The following ZFAND6 variants were observed in gnomAD, a reference collection of about 807,000 sequenced individuals.
The protein encoded by ZFAND6 is zinc finger AN1-type containing 6, also known as AN1-type zinc finger protein 6.
In ZFAND6, 12 loss-of-function variants were observed where a neutral mutation model predicts 24.5. The observed-to-expected ratio is 0.49, with a 90% confidence interval of 0.31 to 0.79. The LOEUF (loss-of-function observed/expected upper bound fraction) is 0.79. Among genes scored for constraint, ZFAND6 ranks in the 30% least tolerant of loss-of-function variants. The probability of loss-of-function intolerance (pLI) is 0.04; values close to 1 mark genes in which losing one functional copy is unlikely to be tolerated. For synonymous variants in ZFAND6, 92 were observed against 81.5 expected (o/e 1.13, Z -0.69); for missense variants, 207 against 245.9 (o/e 0.84, Z 1.06).
intron 6 of ZFAND6, 46 bp from the exon 7 acceptor site, chr15:80,137,434 A>C (rs369496772): frequency 6.4e-7 from 1 of 1,569,160 alleles, no homozygotes; most frequent in Admixed American, 2.2e-5. Flanking sequence ...CAAAGACCTT[A>C]ATATTTCATC....
intron 1 of ZFAND6, among the ~76,000 whole-genome samples, chr15:80,095,945 T>G (rs2141920328): frequency 6.6e-6 from 1 of 152,350 alleles, no homozygotes; most frequent in South Asian, 2.1e-4. Context: ...ACACTTAACA[T>G]ATGGTATCCA....
chr15:80,128,024 A>G (rs1472907978), intron 5 of ZFAND6, among the ~76,000 whole-genome samples: 1 of 152,264 alleles, frequency 6.6e-6, no homozygotes, highest in Admixed American at 6.5e-5. Context: ...GGAAATTCTG[A>G]TACATGCCAC....
chr15:80,060,012 C>T (rs1318786076), intron 1 of ZFAND6: 1 of 151,316 alleles, frequency 6.6e-6, no homozygotes, highest in Non-Finnish European at 1.5e-5. Context: ...ACTCCCGGCT[C>T]CGGGGGTGGG....
intron 2 of ZFAND6, among the ~76,000 whole-genome samples, chr15:80,103,440 A>G (rs2141952861): frequency 6.6e-6 from 1 of 152,318 alleles, no homozygotes; most frequent in Non-Finnish European, 1.5e-5. Context: ...TTCACTCAGA[A>G]CATCTCAATT....
intron 1 of ZFAND6, among the ~76,000 whole-genome samples, chr15:80,069,595 T>G (rs1025336434): frequency 6.6e-6 from 1 of 152,090 alleles, no homozygotes; most frequent in Non-Finnish European, 1.5e-5. Flanking sequence ...ATCTTACTTT[T>G]GCCAGGGAAA....
Position 80,134,910 on chromosome 15 carries a change from T to A in ZFAND6, c.479-2570T>A, listed in dbSNP as rs372704168. ...TTGCAACGTGGACCGTTTGGTGATA[T>A]GAGAACTGAAACTAAAGCAAATGGT... is the stretch of plus-strand genomic sequence containing the variant. On this transcript the variant is annotated intron_variant, in intron 6 of 6. Transcript: ENST00000261749. Among the ~76,000 whole-genome samples, 17 of 152,354 alleles carry A rather than the reference T, an allele frequency of 1.1e-4. No homozygotes were observed. The East Asian group carries it at 2.9e-3, about 26-fold the overall frequency.
At chr15:80,105,157 T>C (rs1533857) in intron 2 of ZFAND6, among the ~76,000 whole-genome samples, 106,299 of 152,086 alleles carry the variant, frequency 0.7, 37,649 homozygotes, top group Admixed American at 0.81. Flanking sequence ...GCTTTTATCC[T>C]TCCTTTACAG....
At chr15:80,096,760 G>A (rs2141923830) in intron 1 of ZFAND6, among the ~76,000 whole-genome samples, 1 of 152,178 alleles carries the variant, frequency 6.6e-6, no homozygotes. Flanking sequence ...ATACATATTA[G>A]CCCAGTGTAC....
intron 5 of ZFAND6, among the ~76,000 whole-genome samples, chr15:80,127,074 C>G (rs1351700450): frequency 1.3e-5 from 2 of 152,122 alleles, no homozygotes; most frequent in East Asian, 3.9e-4. Context: ...CACCACTGCA[C>G]TTCAGCCTGG....
At chr15:80,136,324 G>A (rs548694636) in intron 6 of ZFAND6, among the ~76,000 whole-genome samples, 1 of 152,116 alleles carries the variant, frequency 6.6e-6, no homozygotes, top group African/African-American at 2.4e-5. Context: ...AATTAGCTGG[G>A]TGTGGTGGCG....
At position 80,131,867 on chromosome 15, in the gene ZFAND6, T is replaced by C. The variant is rs867940101; in HGVS notation, c.478+574T>C. On this transcript the variant is annotated intron_variant, in intron 6 of 6. Coordinates refer to ENST00000261749, the MANE Select transcript of ZFAND6 (RefSeq NM_019006.4). ...GGAATTCAGGGATGAGAGTAACTAA[T>C]TTACATTTTAAAATGGTAGTTCTTA... is the stretch of plus-strand genomic sequence containing the variant. Among the ~76,000 whole-genome samples the C allele has an allele frequency of 2.1e-4, 32 of 152,260 alleles. No homozygotes were observed. The Middle Eastern group carries it at 0.01, about 49-fold the overall frequency.
intron 2 of ZFAND6, among the ~76,000 whole-genome samples, chr15:80,106,981 G>A (rs2039361537): frequency 6.6e-6 from 1 of 152,102 alleles, no homozygotes; most frequent in Non-Finnish European, 1.5e-5. Context: ...GGGAGGCTGA[G>A]GTGGGTGGAT....
chr15:80,136,417 A>C (rs1020037020), intron 6 of ZFAND6, among the ~76,000 whole-genome samples: 5 of 152,064 alleles, frequency 3.3e-5, no homozygotes, highest in African/African-American at 1.2e-4. Context: ...GTGAGCCGAG[A>C]TCATGCCACT....
At chr15:80,069,784 G>C (rs2036870502) in intron 1 of ZFAND6, among the ~76,000 whole-genome samples, 1 of 151,920 alleles carries the variant, frequency 6.6e-6, no homozygotes. Context: ...AATTTTTGTA[G>C]TTCTAGTAGA....
intron 1 of ZFAND6, among the ~76,000 whole-genome samples, chr15:80,087,914 A>G (rs771721993): frequency 1.3e-5 from 2 of 152,176 alleles, no homozygotes; most frequent in African/African-American, 2.4e-5. Context: ...CATTGTATAT[A>G]TAATACATAT....
intron 6 of ZFAND6, among the ~76,000 whole-genome samples, chr15:80,133,633 A>AGT (rs1178383274): frequency 6.6e-6 from 1 of 152,224 alleles, no homozygotes; most frequent in Non-Finnish European, 1.5e-5. Flanking sequence ...TTGGAGAAAG[A>AGT]GTATCTGCCT....
chr15:80,113,070 T>G (rs1385496087), intron 2 of ZFAND6, among the ~76,000 whole-genome samples: 1 of 152,226 alleles, frequency 6.6e-6, no homozygotes, highest in African/African-American at 2.4e-5. Flanking sequence ...AGTTCAAAGC[T>G]TAATGTGCAT....
chr15:80,132,755 G>T (rs975827696), intron 6 of ZFAND6, among the ~76,000 whole-genome samples: 2 of 152,096 alleles, frequency 1.3e-5, no homozygotes, highest in Admixed American at 1.3e-4. Context: ...ATAAAGTGAT[G>T]CCACTAGCAC....
intron 4 of ZFAND6, among the ~76,000 whole-genome samples, chr15:80,122,128 C>G (rs998225229): frequency 1.3e-5 from 2 of 152,060 alleles, no homozygotes; most frequent in African/African-American, 4.8e-5. Flanking sequence ...GCAAGTATTA[C>G]TACCGTGTAT....
Sources: gnomAD v4.1 joint callset for allele counts (sites outside exome capture counted in the v4.1 genomes callset) on GRCh38, gnomAD v4.1.1 for gene constraint, MANE v1.5 for transcripts, NCBI Gene and HGNC (gene_info 2026-07-23, HGNC 2026-07-21) for gene names.